Variants in TMEM131L observed in about 807,000 individuals in gnomAD.
TMEM131L encodes the protein transmembrane 131 like.
In TMEM131L, 54 loss-of-function variants were observed where a neutral mutation model predicts 192.2. The observed-to-expected ratio is 0.28, with a 90% CI of 0.23 to 0.35. The LOEUF (loss-of-function observed/expected upper bound fraction) is 0.35, where lower values mean the gene tolerates loss of function less well. Among genes scored for constraint, TMEM131L ranks in the 10% least tolerant of loss-of-function variants. The pLI is 1.00. For missense variants in TMEM131L, 1,888 were observed against 1,972.9 expected (o/e 0.96, Z 0.82); for synonymous variants, 701 against 704.9 (o/e 0.99, Z 0.09).
intron 29 of TMEM131L, 64 bp downstream of exon 29, chr4:153,623,147 A>C: frequency 7.1e-7 from 1 of 1,403,166 alleles, no homozygotes; most frequent in Non-Finnish European, 9.5e-7. Context: ...CCACGTACCC[A>C]GTCCACACAG....
At chr4:153,588,139 A>G (rs190830892) in intron 15 of TMEM131L, among the ~76,000 whole-genome samples, 4 of 151,670 alleles carry the variant, frequency 2.6e-5, no homozygotes, top group Admixed American at 6.6e-5. Flanking sequence ...ACTGACTAGA[A>G]GTTAGTAAAA....
intron 7 of TMEM131L, among the ~76,000 whole-genome samples, chr4:153,564,397 C>T (rs901596370): frequency 2.0e-5 from 3 of 151,832 alleles, no homozygotes; most frequent in African/African-American, 7.3e-5. Flanking sequence ...GGAACCAGCC[C>T]TCACTAGAAT....
intron 29 of TMEM131L, among the ~76,000 whole-genome samples, chr4:153,625,856 C>T (rs913633325): frequency 4.0e-5 from 6 of 150,434 alleles, no homozygotes; most frequent in African/African-American, 7.4e-5. Context: ...TGCAGTGTGC[C>T]GAGATCACAC....
chr4:153,514,282 A>T (rs182319893), intron 3 of TMEM131L, among the ~76,000 whole-genome samples: 4 of 152,354 alleles, frequency 2.6e-5, no homozygotes, highest in African/African-American at 9.6e-5. Context: ...TACACAATGC[A>T]CATGCTCTGT....
At chr4:153,607,232 G>A (rs1397713328) in intron 25 of TMEM131L, among the ~76,000 whole-genome samples, 2 of 152,194 alleles carry the variant, frequency 1.3e-5, no homozygotes, top group Admixed American at 1.3e-4. Context: ...TAATTGACAG[G>A]TAAGTCACAA....
intron 26 of TMEM131L, among the ~76,000 whole-genome samples, chr4:153,618,476 C>A (rs1304374118): frequency 7.9e-3 from 787 of 99,098 alleles, no homozygotes; most frequent in South Asian, 0.011. Context: ...ACCCTGTCTC[C>A]AAAAAAAAAA....
intron 7 of TMEM131L, among the ~76,000 whole-genome samples, chr4:153,572,040 CT>C (rs1363145341): frequency 3.6e-4 from 54 of 148,960 alleles, no homozygotes; most frequent in Non-Finnish European, 4.9e-4. Flanking sequence ...ATGTTGTTTT[CT>C]TTTTTTTTTC....
chr4:153,630,780 A>G (rs1734154800), intron 31 of TMEM131L, among the ~76,000 whole-genome samples: 1 of 151,756 alleles, frequency 6.6e-6, no homozygotes, highest in Non-Finnish European at 1.5e-5. Flanking sequence ...GTCTGGGGCA[A>G]TGATGCACCC....
chr4:153,485,840 G>A (rs1732295180), intron 3 of TMEM131L, among the ~76,000 whole-genome samples: 1 of 152,178 alleles, frequency 6.6e-6, no homozygotes, highest in Non-Finnish European at 1.5e-5. Flanking sequence ...GGTTTACAAA[G>A]TGCTTTCACA....
At chr4:153,577,765 G>T (rs1413528163) in intron 7 of TMEM131L, among the ~76,000 whole-genome samples, 1 of 152,160 alleles carries the variant, frequency 6.6e-6, no homozygotes, top group East Asian at 1.9e-4. Context: ...AGTGAAAGGG[G>T]TTTTCAGGTT....
At position 153,604,307 on chromosome 4, in the gene TMEM131L, G is replaced by A. The variant is rs373510736; in HGVS notation, c.3295G>A (p.Glu1099Lys). ...TDIKTSENTA[E>K]FKERELCPLK... ...CATTAAAACTTCAGAGAACACAGCC[G>A]AGTTCAAGGAACGGGAGCTCTGTCC... The change falls in exon 25 of 35, where the codon GAG becomes AAG. Residue 1099 changes from glutamate to lysine, a missense_variant. By Grantham distance (56) the Glu-to-Lys change is moderately conservative. Coordinates refer to ENST00000409959, the MANE Select transcript of TMEM131L (RefSeq NM_001131007.2). 201 of 1,613,990 alleles carry A rather than the reference G, an allele frequency of 1.2e-4. No homozygotes were observed. Among genetic ancestry groups the A allele is most frequent in the East Asian group, 1.0e-3 (46 of 44,874 alleles).
At chr4:153,605,829 A>G (rs1732193828) in intron 25 of TMEM131L, among the ~76,000 whole-genome samples, 1 of 152,246 alleles carries the variant, frequency 6.6e-6, no homozygotes. Context: ...AAAATCCTCA[A>G]CTGAATTTTA....
At position 153,552,855 on chromosome 4, in the gene TMEM131L, ACT is replaced by A. The variant is rs560768852; in HGVS notation, c.308+2717_308+2718del. Among the ~76,000 whole-genome samples, 433 of 151,880 alleles carry A rather than the reference ACT, an allele frequency of 2.9e-3. 2 individuals are homozygous for A. Among genetic ancestry groups the A allele is most frequent in the African/African-American group, 9.8e-3 (406 of 41,426 alleles). On this transcript the variant is annotated intron_variant, in intron 4 of 34. Transcript: ENST00000409959. ...TCTCAAAAAAACAAAAACAAAAAAAACTCTAGTTTACTTATAATGACTAATAT... is the reference window on the plus strand; with the variant it reads ...TCTCAAAAAAACAAAAACAAAAAAAACTAGTTTACTTATAATGACTAATAT...
At chr4:153,616,054 C>T (rs989211673) in intron 26 of TMEM131L, among the ~76,000 whole-genome samples, 2 of 152,164 alleles carry the variant, frequency 1.3e-5, no homozygotes, top group South Asian at 2.1e-4. Flanking sequence ...TTCTTGCTGT[C>T]GGTCTCAGTG....
At chr4:153,524,131 G>GTTTTTTTTTT (rs57178282) in intron 3 of TMEM131L, among the ~76,000 whole-genome samples, 1 of 122,734 alleles carries the variant, frequency 8.1e-6, no homozygotes. Context: ...TTTCACTTCT[G>GTTTTTTTTTT]TTTTTTTTTT....
chr4:153,471,710 G>A (rs578093782), intron 2 of TMEM131L, among the ~76,000 whole-genome samples: 2 of 152,184 alleles, frequency 1.3e-5, no homozygotes, highest in African/African-American at 2.4e-5. Context: ...AGGAGCAGCC[G>A]TTACCTGATA....
In TMEM131L at chr4:153,599,952, C is replaced by T. The variant is rs141121494; in HGVS notation, c.2266+1220C>T. 5.8e-3 allele frequency among the ~76,000 whole-genome samples: 888 copies of T among 152,282 alleles called. 6 individuals carry two copies. The highest frequency in any genetic ancestry group is 0.02 in the African/African-American group (821 of 41,566). On this transcript the variant is annotated intron_variant, in intron 21 of 34. Transcript: ENST00000409959. Reference sequence around the variant, plus strand: ...ACTTGGGAGGCTGAGAGAGGAGAATCTCTTGAACCCAGGAGGCGGAGGTTG... The same window carrying T: ...ACTTGGGAGGCTGAGAGAGGAGAATTTCTTGAACCCAGGAGGCGGAGGTTG...
chr4:153,475,269 A>G (rs1731448637), intron 3 of TMEM131L, among the ~76,000 whole-genome samples: 1 of 152,186 alleles, frequency 6.6e-6, no homozygotes, highest in South Asian at 2.1e-4. Flanking sequence ...GACCCAATGA[A>G]TTTGACAACT....
At chr4:153,473,988 T>G (rs1731347554) in intron 3 of TMEM131L, 100 bp downstream of exon 3, 2 of 709,834 alleles carry the variant, frequency 2.8e-6, no homozygotes, top group Non-Finnish European at 4.7e-6. Flanking sequence ...ATGTATTTAG[T>G]AGTATCTGTA....
Sources: allele counts gnomAD v4.1 joint callset (sites outside exome capture counted in the v4.1 genomes callset), GRCh38; gene constraint gnomAD v4.1.1; transcripts MANE v1.5; gene names NCBI Gene and HGNC (gene_info 2026-07-23, HGNC 2026-07-21).